The following PREX2 variants were observed in gnomAD, a reference collection of about 807,000 sequenced individuals.
The protein encoded by PREX2 is phosphatidylinositol-3,4,5-trisphosphate dependent Rac exchange factor 2.
In PREX2, 107 loss-of-function variants were observed where a neutral mutation model predicts 203.2. That is an observed-to-expected ratio of 0.53 (90% CI 0.45 to 0.62). The LOEUF is 0.62. PREX2 is among the 20% of genes least tolerant of loss of function. The pLI, the probability that PREX2 is intolerant of heterozygous loss-of-function variation, is 0.00. For missense variants in PREX2, 1,777 were observed against 1,955.9 expected, an observed-to-expected ratio of 0.91 and a Z score of 1.72; for synonymous variants, 672 against 663.6, an observed-to-expected ratio of 1.01 and a Z score of -0.19.
chr8:68,138,454 C>G lies in PREX2; in HGVS notation c.4024C>G (p.Leu1342Val), dbSNP rs748857444. 2 of 1,605,210 alleles carry G rather than the reference C, an allele frequency of 1.2e-6. No individual in the cohort carries two copies. The highest frequency in any genetic ancestry group is 1.7e-6 in the Non-Finnish European group (2 of 1,175,086). ...CATGTTAGAAGATACACTGGTTGCA[C>G]TATTTGATTTGGAAAAGGTTTCCTT... is the stretch of plus-strand genomic sequence containing the variant. ...QAMLEDTLVALFDLEKVSFYF... is the reference protein window; with the variant it reads ...QAMLEDTLVAVFDLEKVSFYF... The change falls in exon 33 of 40, where the codon CTA (leucine) becomes GTA (valine). Residue 1342 changes from leucine (L) to valine (V), a missense_variant. Coordinates refer to ENST00000288368, the MANE Select transcript of PREX2 (RefSeq NM_024870.4).
At chr8:68,194,352 G>T (rs1812353200) in intron 37 of PREX2, among the ~76,000 whole-genome samples, 1 of 152,066 alleles carries the variant, frequency 6.6e-6, no homozygotes, top group African/African-American at 2.4e-5. Context: ...ATCCAAAAAA[G>T]AACAGAATTC....
At chr8:68,230,933 C>A (rs1298654730) in intron 39 of PREX2, among the ~76,000 whole-genome samples, 2 of 152,072 alleles carry the variant, frequency 1.3e-5, no homozygotes, top group South Asian at 2.1e-4. Context: ...TCAGTAGACC[C>A]CTATGAGATA....
chr8:68,135,256 T>G (rs1811093564), intron 32 of PREX2, among the ~76,000 whole-genome samples: 1 of 152,190 alleles, frequency 6.6e-6, no homozygotes. Context: ...TGCCATTGTC[T>G]AATCAAGTGC....
Position 68,068,898 on chromosome 8 carries a change from T to C in PREX2, c.1340-135T>C, listed in dbSNP as rs1315731136. 4.8e-5 allele frequency: 21 copies of C among 441,202 alleles called. 1 individual carries two copies. The Admixed American group carries it at 8.9e-4, about 19-fold the overall frequency. 27.3% of individuals were successfully genotyped at this position (441,202 alleles called of 1,614,324 possible). On this transcript the variant is annotated intron_variant, in intron 11 of 39. Coordinates refer to ENST00000288368, the MANE Select transcript of PREX2 (RefSeq NM_024870.4). ...TTAAAATACTCAATTGGTATTGCTG[T>C]GTTAGAAAAGCAAATGCCTTTTGTA...
At chr8:68,094,838 C>G (rs1428547384) in intron 21 of PREX2, among the ~76,000 whole-genome samples, 1 of 152,184 alleles carries the variant, frequency 6.6e-6, no homozygotes, top group Non-Finnish European at 1.5e-5. Flanking sequence ...GGGATCAGCC[C>G]CACAAGGTTG....
chr8:68,109,656 CAAATA>C, intron 25 of PREX2, 33 bp downstream of exon 25: 1 of 1,547,884 alleles, frequency 6.5e-7, no homozygotes, highest in Non-Finnish European at 8.9e-7. Flanking sequence ...TTAAGTTTGC[CAAATA>C]AAATAGCCAT....
rs762048772 is a variant in PREX2 at position 68,027,273 on chromosome 8, T to C, written c.493T>C (p.Tyr165His). The C allele has an allele frequency of 6.8e-6, 11 of 1,612,224 alleles. No homozygotes were observed. Among genetic ancestry groups the C allele is most frequent in the African/African-American group, 1.3e-5 (1 of 74,828 alleles). Reference sequence around the variant, plus strand: ...GAACACAGATGTTCCCTTGGAAGGATATTTAGTAACACCAATACAAAGAAT... The same window carrying C: ...GAACACAGATGTTCCCTTGGAAGGACATTTAGTAACACCAATACAAAGAAT... ...RKNTDVPLEG[Y>H]LVTPIQRICK... The change falls in exon 5 of 40, where the codon TAT becomes CAT. Residue 165 changes from tyrosine to histidine, a missense_variant. Tyr to His is a moderately conservative substitution (Grantham distance 83). Transcript: ENST00000288368.
chr8:68,171,384 A>G (rs1042856592), intron 35 of PREX2, among the ~76,000 whole-genome samples: 2 of 152,068 alleles, frequency 1.3e-5, no homozygotes, highest in Non-Finnish European at 2.9e-5. Context: ...ATTTTGGACA[A>G]TTTTTTCAAC....
At chr8:68,192,312 C>G (rs755268342) in intron 36 of PREX2, 23 bp from the exon 37 acceptor site, 1 of 1,549,634 alleles carries the variant, frequency 6.5e-7, no homozygotes, top group African/African-American at 1.4e-5. Flanking sequence ...TTGAACTTGA[C>G]GTTCATCACT....
At chr8:68,222,626 C>A (rs371234847) in intron 38 of PREX2, among the ~76,000 whole-genome samples, 1 of 149,860 alleles carries the variant, frequency 6.7e-6, no homozygotes, top group Non-Finnish European at 1.5e-5. Flanking sequence ...CCAACAGAGG[C>A]TAAAATCAGT....
chr8:68,124,191 A>G lies in PREX2; in HGVS notation c.3724+3142A>G, dbSNP rs942128635. Among the ~76,000 whole-genome samples, 65 of 152,266 alleles carry G rather than the reference A, an allele frequency of 4.3e-4. 1 individual carries two copies. Among genetic ancestry groups the G allele is most frequent in the African/African-American group, 1.3e-3 (55 of 41,582 alleles). Reference sequence around the variant, plus strand: ...CTATCATAAAGATATGTGCACACGTATGTTCGTTGCAGGACTGCTCACAAT... The same window carrying G: ...CTATCATAAAGATATGTGCACACGTGTGTTCGTTGCAGGACTGCTCACAAT... On this transcript the variant is annotated intron_variant, in intron 30 of 39. Coordinates refer to ENST00000288368, the MANE Select transcript of PREX2 (RefSeq NM_024870.4).
intron 4 of PREX2, among the ~76,000 whole-genome samples, chr8:68,022,470 G>T (rs1488450663): frequency 6.6e-6 from 1 of 152,092 alleles, no homozygotes; most frequent in African/African-American, 2.4e-5. Context: ...TGACAGAGCT[G>T]TAAGTAGGGC....
At chr8:68,227,439 G>T (rs890591108) in intron 39 of PREX2, among the ~76,000 whole-genome samples, 1 of 152,234 alleles carries the variant, frequency 6.6e-6, no homozygotes. Context: ...AGCTCAGCTT[G>T]GTAGTACTGA....
intron 35 of PREX2, among the ~76,000 whole-genome samples, chr8:68,167,454 C>T (rs969534630): frequency 1.3e-5 from 2 of 151,956 alleles, no homozygotes; most frequent in Non-Finnish European, 2.9e-5. Flanking sequence ...CTGTCCCAGC[C>T]TCCCCAGTAG....
intron 35 of PREX2, among the ~76,000 whole-genome samples, chr8:68,161,110 G>C (rs548054720): frequency 6.6e-6 from 1 of 150,590 alleles, no homozygotes. Flanking sequence ...TTTTTTTGGG[G>C]GGGGGACAGA....
At chr8:67,997,669 G>A (rs932946402) in intron 1 of PREX2, among the ~76,000 whole-genome samples, 2 of 151,998 alleles carry the variant, frequency 1.3e-5, no homozygotes, top group South Asian at 2.1e-4. Flanking sequence ...ACTGATATTT[G>A]ATTGGGCTTG....
chr8:68,001,546 A>G (rs1585694285), intron 1 of PREX2, among the ~76,000 whole-genome samples: 1 of 152,194 alleles, frequency 6.6e-6, no homozygotes, highest in South Asian at 2.1e-4. Context: ...CAGTTCCTCA[A>G]AGAGCTAAAA....
intron 1 of PREX2, among the ~76,000 whole-genome samples, chr8:67,985,055 A>G (rs1216193991): frequency 6.6e-6 from 1 of 151,880 alleles, no homozygotes; most frequent in Non-Finnish European, 1.5e-5. Context: ...CAGTGACCAG[A>G]GCAACATGAC....
At position 67,976,692 on chromosome 8, in the gene PREX2, C is replaced by CAG. The variant is rs143882414; in HGVS notation, c.141+24169_141+24170dup. Among the ~76,000 whole-genome samples the CAG allele has an allele frequency of 5.6e-4, 34 of 60,840 alleles. 3 individuals carry two copies. Among genetic ancestry groups the CAG allele is most frequent in the African/African-American group, 1.7e-3 (30 of 17,488 alleles). The allele number at this position is 60,840 out of a possible 152,430, so 39.9% of individuals were successfully genotyped here. A position where few individuals can be genotyped will look rare whatever the true frequency, so the allele number is the denominator to read the frequency against. On this transcript the variant is annotated intron_variant, in intron 1 of 39. Transcript: ENST00000288368. ...GACAGAGAGAGAGACAGGAGAGAGA[C>CAG]AGAGAGAGAGAGACGGGAGAGAGAC...
Sources: gnomAD v4.1 joint callset for allele counts (sites outside exome capture counted in the v4.1 genomes callset) on GRCh38, gnomAD v4.1.1 for gene constraint, MANE v1.5 for transcripts, NCBI Gene and HGNC (gene_info 2026-07-23, HGNC 2026-07-21) for gene names.